The following FCHSD2 variants were observed in gnomAD, a reference collection of about 807,000 sequenced individuals.
The protein encoded by FCHSD2 is F-BAR and double SH3 domains protein 2.
A neutral mutation model predicts 108.1 loss-of-function variants in FCHSD2; 38 were observed. The ratio of observed to expected loss-of-function variants is 0.35; its 90% CI spans 0.27 to 0.46. FCHSD2 has a LOEUF of 0.46. Among genes scored for constraint, FCHSD2 ranks in the 20% least tolerant of loss-of-function variants. The probability of loss-of-function intolerance (pLI) is 1.00; values close to 1 mark genes in which losing one functional copy is unlikely to be tolerated. For missense variants in FCHSD2, 751 were observed against 897.8 expected, an observed-to-expected ratio of 0.84 and a Z score of 2.09; for synonymous variants, 279 against 314.7, an observed-to-expected ratio of 0.89 and a Z score of 1.20.
intron 3 of FCHSD2, among the ~76,000 whole-genome samples, chr11:73,026,673 T>TA (rs1053444083): frequency 5.9e-5 from 9 of 152,164 alleles, no homozygotes; most frequent in Non-Finnish European, 1.3e-4. Context: ...AGGGAAGTGA[T>TA]ATGGTTTGGC....
chr11:73,067,261 CA>C (rs1230923393), intron 3 of FCHSD2, among the ~76,000 whole-genome samples: 10 of 152,180 alleles, frequency 6.6e-5, no homozygotes, highest in Admixed American at 3.9e-4. Flanking sequence ...TGTTCTCACT[CA>C]TAAGTGGGAG....
intron 9 of FCHSD2, among the ~76,000 whole-genome samples, chr11:72,915,995 T>C (rs746564626): frequency 2.6e-5 from 4 of 152,094 alleles, no homozygotes; most frequent in African/African-American, 7.2e-5. Context: ...ATGTTCTCAT[T>C]TGTAAGTGGG....
chr11:72,961,276 G>A (rs1386608687), intron 8 of FCHSD2, among the ~76,000 whole-genome samples: 1 of 152,078 alleles, frequency 6.6e-6, no homozygotes, highest in African/African-American at 2.4e-5. Context: ...CTGTTGCCCA[G>A]GCTGGAGTGG....
intron 8 of FCHSD2, among the ~76,000 whole-genome samples, chr11:72,931,072 C>T (rs1856180141): frequency 6.9e-6 from 1 of 145,644 alleles, no homozygotes. Flanking sequence ...ATATATATAC[C>T]TACTATATAC....
At chr11:73,121,977 A>G (rs1312364384) in intron 2 of FCHSD2, among the ~76,000 whole-genome samples, 1 of 152,238 alleles carries the variant, frequency 6.6e-6, no homozygotes. Context: ...AGTACTTAGG[A>G]TATAATGTTT....
chr11:73,002,748 T>G (rs188209915), intron 4 of FCHSD2, among the ~76,000 whole-genome samples: 6 of 152,310 alleles, frequency 3.9e-5, no homozygotes, highest in Admixed American at 2.0e-4. Context: ...AGTCTCAGTT[T>G]AAATGTAACT....
intron 8 of FCHSD2, among the ~76,000 whole-genome samples, chr11:72,939,975 C>T (rs913805713): frequency 5.3e-5 from 8 of 152,098 alleles, no homozygotes; most frequent in Non-Finnish European, 4.4e-5. Flanking sequence ...TCGAGAACAT[C>T]TGTGGACTGC....
At chr11:73,054,269 T>C (rs1468596854) in intron 3 of FCHSD2, among the ~76,000 whole-genome samples, 1 of 151,610 alleles carries the variant, frequency 6.6e-6, no homozygotes, top group Non-Finnish European at 1.5e-5. Context: ...TGGTTGAACA[T>C]AACCCACTGG....
intron 8 of FCHSD2, among the ~76,000 whole-genome samples, chr11:72,939,793 AT>A (rs1856379262): frequency 6.7e-6 from 1 of 150,232 alleles, no homozygotes; most frequent in Non-Finnish European, 1.5e-5. Context: ...TAATTTTTGT[AT>A]TTTTAGTAGA....
In FCHSD2 at chr11:73,138,521, T is replaced by C. The variant is rs752578035; in HGVS notation, c.119+1510A>G. 7.9e-5 allele frequency among the ~76,000 whole-genome samples: 12 copies of C among 152,194 alleles called. 1 individual carries two copies. Among genetic ancestry groups the C allele is most frequent in the Non-Finnish European group, 1.6e-4 (11 of 68,036 alleles). On this transcript the variant is annotated intron_variant, in intron 2 of 19. Coordinates refer to ENST00000409418, the MANE Select transcript of FCHSD2 (RefSeq NM_014824.3). ...CTGAAAATGTATTACTTTCTTCATC[T>C]AGATATTTCTTAGTTTGCTTAATAA...
chr11:72,969,660 C>T (rs895334533), intron 8 of FCHSD2, among the ~76,000 whole-genome samples: 6 of 152,088 alleles, frequency 3.9e-5, no homozygotes, highest in Admixed American at 6.6e-5. Context: ...CAATGAAATA[C>T]GGTATGTTTT....
At chr11:73,089,936 A>G (rs942031573) in intron 2 of FCHSD2, among the ~76,000 whole-genome samples, 2 of 152,190 alleles carry the variant, frequency 1.3e-5, no homozygotes, top group Non-Finnish European at 1.5e-5. Flanking sequence ...CAGATGTTAA[A>G]AATTAATTTT....
chr11:73,098,563 T>G (rs1860144593), intron 2 of FCHSD2, among the ~76,000 whole-genome samples: 1 of 152,162 alleles, frequency 6.6e-6, no homozygotes, highest in African/African-American at 2.4e-5. Flanking sequence ...GGGTCTAGTT[T>G]GTTTACAGTA....
intron 2 of FCHSD2, among the ~76,000 whole-genome samples, chr11:73,127,694 T>C (rs1860890976): frequency 6.6e-6 from 1 of 152,170 alleles, no homozygotes; most frequent in African/African-American, 2.4e-5. Flanking sequence ...CATCAATTAT[T>C]AAGGGGCAAA....
intron 3 of FCHSD2, among the ~76,000 whole-genome samples, chr11:73,066,299 A>G (rs989720110): frequency 6.6e-6 from 1 of 152,224 alleles, no homozygotes; most frequent in Non-Finnish European, 1.5e-5. Flanking sequence ...AGCCATATGC[A>G]GAAAATTGAA....
At chr11:72,999,866 G>GACAC (rs138484535) in intron 5 of FCHSD2, among the ~76,000 whole-genome samples, 153 of 150,404 alleles carry the variant, frequency 1.0e-3, no homozygotes, top group African/African-American at 3.6e-3. Flanking sequence ...TGCACAATCA[G>GACAC]ACACACACAC....
intron 3 of FCHSD2, among the ~76,000 whole-genome samples, chr11:73,057,541 GAGGA>G (rs1199075217): frequency 6.6e-6 from 1 of 152,096 alleles, no homozygotes; most frequent in Admixed American, 6.6e-5. Flanking sequence ...GGGAAGAAGA[GAGGA>G]AGGGAGGGAG....
At chr11:73,034,027 T>A (rs372366696) in intron 3 of FCHSD2, among the ~76,000 whole-genome samples, 11 of 152,282 alleles carry the variant, frequency 7.2e-5, no homozygotes, top group African/African-American at 2.2e-4. Context: ...AGCAAATATA[T>A]CATCTTTTTT....
intron 13 of FCHSD2, among the ~76,000 whole-genome samples, chr11:72,866,351 C>T (rs1398386611): frequency 6.6e-6 from 1 of 152,080 alleles, no homozygotes; most frequent in Non-Finnish European, 1.5e-5. Flanking sequence ...CTCCCTGCAA[C>T]CTCTGCCTCC....
Sources: gnomAD v4.1 joint callset for allele counts (sites outside exome capture counted in the v4.1 genomes callset) on GRCh38, gnomAD v4.1.1 for gene constraint, MANE v1.5 for transcripts, NCBI Gene and HGNC (gene_info 2026-07-23, HGNC 2026-07-21) for gene names.